The following ZNF385D variants were observed in gnomAD, a reference collection of about 807,000 sequenced individuals.
ZNF385D encodes zinc finger protein 385D.
ZNF385D carries 15 observed loss-of-function variants against 35.8 expected under a neutral mutation model. The ratio of observed to expected loss-of-function variants is 0.42; its 90% CI spans 0.28 to 0.64. ZNF385D has a LOEUF of 0.64. ZNF385D is among the 30% of genes least tolerant of loss of function. ZNF385D has a pLI of 0.23. For missense variants in ZNF385D, 474 were observed against 494.6 expected (o/e 0.96, Z 0.39); for synonymous variants, 212 against 186.8 (o/e 1.13, Z -1.10).
Position 22,298,495 on chromosome 3 carries a change from TATAA to T in ZNF385D, c.106+73951_106+73954del, listed in dbSNP as rs1481411425. On this transcript the variant is annotated intron_variant, in intron 2 of 5. Coordinates refer to the ZNF385D transcript ENST00000494108. Reference sequence around the variant, plus strand: ...ATACATAAAACATTTATATATAATATATAAATATACATAAAACATTTATATATAA... The same window carrying T: ...ATACATAAAACATTTATATATAATATATATACATAAAACATTTATATATAA... Among the ~76,000 whole-genome samples, 6 of 144,926 alleles carry T rather than the reference TATAA, an allele frequency of 4.1e-5. No homozygotes were observed. In the East Asian group the frequency reaches 5.9e-4, roughly 14 times the overall value.
At chr3:21,832,051 CAAT>C (rs538793534) in intron 3 of ZNF385D, among the ~76,000 whole-genome samples, 1 of 147,358 alleles carries the variant, frequency 6.8e-6, no homozygotes, top group East Asian at 2.0e-4. Context: ...AAAATTGACT[CAAT>C]AAATTTTCTA....
At chr3:21,809,765 A>C (rs1014687254) in intron 3 of ZNF385D, among the ~76,000 whole-genome samples, 1 of 151,820 alleles carries the variant, frequency 6.6e-6, no homozygotes, top group Admixed American at 6.6e-5. Flanking sequence ...AATACTAGGT[A>C]CATTAAAATT....
At chr3:21,569,875 A>G (rs1452214172) in intron 2 of ZNF385D, among the ~76,000 whole-genome samples, 1 of 126,202 alleles carries the variant, frequency 7.9e-6, no homozygotes. Context: ...ACATGGACAC[A>G]GGAAGGGGAA....
intron 2 of ZNF385D, among the ~76,000 whole-genome samples, chr3:22,262,156 G>C (rs540123323): frequency 2.6e-5 from 4 of 151,458 alleles, no homozygotes; most frequent in East Asian, 1.9e-4. Context: ...CTTTTGCCTA[G>C]AGATTTACTA....
At chr3:21,743,524 C>A (rs568856204) in intron 1 of ZNF385D, among the ~76,000 whole-genome samples, 4 of 152,188 alleles carry the variant, frequency 2.6e-5, no homozygotes, top group African/African-American at 4.8e-5. Flanking sequence ...AAGTTCAAGG[C>A]GTAGGCCTGG....
chr3:22,092,915 T>G (rs1418441603), intron 3 of ZNF385D, among the ~76,000 whole-genome samples: 2 of 152,302 alleles, frequency 1.3e-5, no homozygotes, highest in South Asian at 2.1e-4. Flanking sequence ...ACTCATCTAT[T>G]CTTGAAATTA....
chr3:21,827,540 A>G (rs965771455), intron 3 of ZNF385D, among the ~76,000 whole-genome samples: 16 of 152,184 alleles, frequency 1.1e-4, no homozygotes, highest in Admixed American at 9.2e-4. Context: ...GCCACATGCT[A>G]TACTAGAATG....
intron 5 of ZNF385D, among the ~76,000 whole-genome samples, chr3:21,434,935 C>A (rs565835860): frequency 6.6e-6 from 1 of 152,244 alleles, no homozygotes; most frequent in South Asian, 2.1e-4. Context: ...TAAAGGGTGA[C>A]AGCCACATTT....
At chr3:21,886,365 A>C (rs200579270) in intron 3 of ZNF385D, among the ~76,000 whole-genome samples, 1 of 61,862 alleles carries the variant, frequency 1.6e-5, no homozygotes, top group Non-Finnish European at 3.2e-5. Context: ...ATTAATGAGG[A>C]AGAAAAAAAA....
At chr3:21,753,441 A>G (rs1310943980), upstream of ZNF385D, among the ~76,000 whole-genome samples, 1 of 152,214 alleles carries the variant, frequency 6.6e-6, no homozygotes, top group Non-Finnish European at 1.5e-5. Flanking sequence ...CTGGTAATAG[A>G]ACATGCCAAT....
chr3:22,010,202 A>G (rs1273001627), intron 3 of ZNF385D, among the ~76,000 whole-genome samples: 1 of 152,224 alleles, frequency 6.6e-6, no homozygotes, highest in African/African-American at 2.4e-5. Context: ...GGATGACGAA[A>G]CAGGATGAGC....
chr3:21,460,888 T>G (rs1703126448), intron 4 of ZNF385D, among the ~76,000 whole-genome samples: 1 of 152,180 alleles, frequency 6.6e-6, no homozygotes, highest in Admixed American at 6.5e-5. Context: ...AGAAAAATAT[T>G]AAGTTGTTTA....
intron 3 of ZNF385D, among the ~76,000 whole-genome samples, chr3:22,164,933 G>A (rs1162291559): frequency 6.6e-6 from 1 of 152,166 alleles, no homozygotes; most frequent in African/African-American, 2.4e-5. Context: ...TACATAGTAT[G>A]TAATTCAAAC....
At chr3:21,783,964 CAG>C (rs2071588539) in intron 3 of ZNF385D, among the ~76,000 whole-genome samples, 1 of 152,108 alleles carries the variant, frequency 6.6e-6, no homozygotes, top group African/African-American at 2.4e-5. Flanking sequence ...AAAGTTGTGG[CAG>C]AGATTTCTTT....
At chr3:21,660,711 C>G (rs569304450) in intron 2 of ZNF385D, among the ~76,000 whole-genome samples, 2 of 152,304 alleles carry the variant, frequency 1.3e-5, no homozygotes, top group South Asian at 4.1e-4. Context: ...CTGGCCCAAG[C>G]CATTCTCCTT....
intron 3 of ZNF385D, among the ~76,000 whole-genome samples, chr3:21,865,655 A>G (rs1055236960): frequency 6.6e-6 from 1 of 152,156 alleles, no homozygotes; most frequent in African/African-American, 2.4e-5. Context: ...GTAATCTGTT[A>G]AATTAGGTGA....
intron 1 of ZNF385D, among the ~76,000 whole-genome samples, chr3:21,737,712 G>C (rs947228067): frequency 6.6e-6 from 1 of 152,162 alleles, no homozygotes; most frequent in Admixed American, 6.5e-5. Context: ...AAGAGTACAT[G>C]TTCTCTCTCA....
At chr3:22,185,057 T>G (rs981822466) in intron 2 of ZNF385D, among the ~76,000 whole-genome samples, 4 of 152,168 alleles carry the variant, frequency 2.6e-5, no homozygotes, top group African/African-American at 9.7e-5. Context: ...TTGCTGTACA[T>G]TGGATATTGT....
chr3:21,708,323 C>T (rs1371763874), intron 1 of ZNF385D, among the ~76,000 whole-genome samples: 1 of 152,194 alleles, frequency 6.6e-6, no homozygotes, highest in Non-Finnish European at 1.5e-5. Context: ...CTTACAGCAA[C>T]ACAATGAGGG....
Sources: allele counts gnomAD v4.1 joint callset (sites outside exome capture counted in the v4.1 genomes callset), GRCh38; gene constraint gnomAD v4.1.1; transcripts MANE v1.5; gene names NCBI Gene and HGNC (gene_info 2026-07-23, HGNC 2026-07-21).